NPEPPS: variants seen among roughly 807,000 people sequenced by gnomAD.
NPEPPS encodes the protein puromycin-sensitive aminopeptidase.
Under a neutral mutation model 115.5 loss-of-function variants are expected in NPEPPS, and 14 were observed. That is an observed-to-expected ratio of 0.12 (90% CI 0.08 to 0.19). The LOEUF (loss-of-function observed/expected upper bound fraction) is 0.19. NPEPPS is among the 10% of genes least tolerant of loss of function. The pLI, the probability that NPEPPS is intolerant of heterozygous loss-of-function variation, is 1.00. For missense variants in NPEPPS, 523 were observed against 1,110.8 expected (o/e 0.47, Z 7.52); for synonymous variants, 285 against 390.6 (o/e 0.73, Z 3.19).
rs1914603014 is a variant in NPEPPS, at chr17:47,621,982, G to A, written c.*62G>A. On this transcript the variant is annotated 3_prime_UTR_variant, in exon 23 of 23. Transcript: ENST00000322157. ...GCTGCAGGGATAAGGTGGAGCTACC[G>A]AACAGCTGATTCATATGCCAAGAAT... is the stretch of plus-strand genomic sequence containing the variant. The A allele has an allele frequency of 5.4e-6, 8 of 1,481,164 alleles. No individual in the cohort carries two copies. The highest frequency in any genetic ancestry group is 2.8e-5 in the African/African-American group (2 of 71,940). The allele number at this position is 1,481,164 out of a possible 1,614,324, so 91.8% of individuals were successfully genotyped here.
intron 2 of NPEPPS, among the ~76,000 whole-genome samples, chr17:47,556,716 C>T (rs1480864546): frequency 6.6e-6 from 1 of 152,128 alleles, no homozygotes; most frequent in African/African-American, 2.4e-5. Flanking sequence ...GGGCTGCCCC[C>T]CGCCTCCCTC....
intron 1 of NPEPPS, among the ~76,000 whole-genome samples, chr17:47,538,248 C>G (rs1032656416): frequency 2.0e-4 from 19 of 97,398 alleles, no homozygotes; most frequent in African/African-American, 6.6e-4. Context: ...CACTCTGTTG[C>G]CTAGGCCAGG....
intron 2 of NPEPPS, among the ~76,000 whole-genome samples, chr17:47,553,513 T>C (rs948059096): frequency 1.3e-5 from 2 of 152,198 alleles, no homozygotes; most frequent in African/African-American, 2.4e-5. Flanking sequence ...GTCTGTCATA[T>C]GGTAGTTACA....
At chr17:47,549,524 A>G (rs922351413) in intron 2 of NPEPPS, among the ~76,000 whole-genome samples, 4 of 152,104 alleles carry the variant, frequency 2.6e-5, no homozygotes, top group Admixed American at 2.6e-4. Flanking sequence ...TCACACCTGT[A>G]ATCCCAGCAT....
chr17:47,621,929 G>T lies in NPEPPS; in HGVS notation c.*9G>T. 1 of 1,606,194 alleles carries T rather than the reference G, an allele frequency of 6.2e-7. No individual in the cohort carries two copies. The highest frequency in any genetic ancestry group is 8.5e-7 in the Non-Finnish European group (1 of 1,175,480). Reference sequence around the variant, plus strand: ...CACCACCCACAGTGTGAATCCTGAGGTGCCGCCATTGGCGGTTCTGCTGCT... The same window carrying T: ...CACCACCCACAGTGTGAATCCTGAGTTGCCGCCATTGGCGGTTCTGCTGCT... On this transcript the variant is annotated 3_prime_UTR_variant, in exon 23 of 23. Coordinates refer to ENST00000322157, the MANE Select transcript of NPEPPS (RefSeq NM_006310.4).
chr17:47,556,711 G>GC (rs937308705), intron 2 of NPEPPS, among the ~76,000 whole-genome samples: 8 of 152,072 alleles, frequency 5.3e-5, no homozygotes, highest in Non-Finnish European at 7.4e-5. Context: ...GGTGGGGGCT[G>GC]CCCCCCGCCT....
intron 4 of NPEPPS, chr17:47,581,469 T>C (rs1597859574): frequency 2.6e-5 from 4 of 152,330 alleles, no homozygotes; most frequent in African/African-American, 9.6e-5. Flanking sequence ...GTCCTTTAGA[T>C]ATTTTCAAAC....
In NPEPPS at chr17:47,559,049, A is replaced by G. The variant is rs554542082; in HGVS notation, c.341-10368A>G. Among the ~76,000 whole-genome samples, 842 of 125,728 alleles carry G rather than the reference A, an allele frequency of 6.7e-3. 9 individuals carry two copies. Among genetic ancestry groups the G allele is most frequent in the African/African-American group, 0.025 (781 of 31,152 alleles). The allele number at this position is 125,728 out of a possible 152,430, so 82.5% of individuals were successfully genotyped here. On this transcript the variant is annotated intron_variant, in intron 2 of 22. Transcript: ENST00000322157. ...CGAGACTCCATCTCAAAAAAGAGGA[A>G]AAAAAAAAAAAAAAGATAGGGTCTT... is the stretch of plus-strand genomic sequence containing the variant.
intron 3 of NPEPPS, among the ~76,000 whole-genome samples, chr17:47,574,264 G>A (rs1264029814): frequency 6.6e-6 from 1 of 152,038 alleles, no homozygotes; most frequent in Non-Finnish European, 1.5e-5. Flanking sequence ...TAAGTGAAGT[G>A]AGGGGCAGAA....
intron 9 of NPEPPS, among the ~76,000 whole-genome samples, chr17:47,587,950 C>CT (rs1463375787): frequency 1.3e-5 from 2 of 151,250 alleles, no homozygotes; most frequent in East Asian, 1.9e-4. Context: ...CACTCTTACT[C>CT]TAAGTAAATA....
rs781079518 is a variant in NPEPPS at position 47,619,746 on chromosome 17, G to A, written c.2569G>A (p.Glu857Lys). 6.2e-7 allele frequency: 1 copy of A among 1,613,598 alleles called. No individual in the cohort carries two copies. The highest frequency in any genetic ancestry group is 8.5e-7 in the Non-Finnish European group (1 of 1,179,596). ...AACCATTGTTTTGCAGCTATCAGTT[G>A]AGGGATTTGCAGTTGATAAAATGGC... ...LISRLIKLSVEGFAVDKMAGE... is the reference protein window; with the variant it reads ...LISRLIKLSVKGFAVDKMAGE... The change falls in exon 22 of 23, where the codon GAG becomes AAG. Residue 857 changes from glutamate (E) to lysine (K), a missense_variant. Coordinates refer to ENST00000322157, the MANE Select transcript of NPEPPS (RefSeq NM_006310.4).
intron 1 of NPEPPS, among the ~76,000 whole-genome samples, chr17:47,534,595 T>A (rs1275046364): frequency 6.6e-6 from 1 of 151,490 alleles, no homozygotes; most frequent in Non-Finnish European, 1.5e-5. Context: ...GTTTCGCTCT[T>A]TCTCCCAGGC....
At chr17:47,532,081 C>T (rs1162774434) in intron 1 of NPEPPS, among the ~76,000 whole-genome samples, 1 of 152,042 alleles carries the variant, frequency 6.6e-6, no homozygotes, top group Non-Finnish European at 1.5e-5. Context: ...AGGGGAGCTT[C>T]TAGAAGGGGG....
rs553819883 is a variant in NPEPPS, at chr17:47,574,789, G to A, written c.419-4601G>A. On this transcript the variant is annotated intron_variant, in intron 3 of 22. Transcript: ENST00000322157. ...AATTTTTTTGTAGAGACAGGGTCTCGTTATGTTGCCTAGGCTGGTCTCAAA... is the reference window on the plus strand; with the variant it reads ...AATTTTTTTGTAGAGACAGGGTCTCATTATGTTGCCTAGGCTGGTCTCAAA... 6.6e-5 allele frequency among the ~76,000 whole-genome samples: 10 copies of A among 152,110 alleles called. No individual in the cohort carries two copies. The South Asian group carries it at 8.3e-4, about 13-fold the overall frequency.
chr17:47,532,260 G>C (rs1236228279), intron 1 of NPEPPS, among the ~76,000 whole-genome samples: 1 of 152,152 alleles, frequency 6.6e-6, no homozygotes, highest in Non-Finnish European at 1.5e-5. Flanking sequence ...GAAGCTGCGG[G>C]AGGACCCCAT....
At chr17:47,543,269 A>G (rs1439211453) in intron 1 of NPEPPS, among the ~76,000 whole-genome samples, 1 of 151,992 alleles carries the variant, frequency 6.6e-6, no homozygotes, top group Non-Finnish European at 1.5e-5. Flanking sequence ...TGTTATTAGT[A>G]ATCAGGGAAA....
rs1491300434 is a variant in NPEPPS, at chr17:47,562,605, A to AGT, written c.341-6811_341-6810insTG. The stretch of plus-strand genomic sequence containing the variant: ...TAATGTAGGAAGGCTTTTTTGATGC[A>AGT]GAGTGTGTGTGTGTGTGTGTGTGTG... On this transcript the variant is annotated intron_variant, in intron 2 of 22. Transcript: ENST00000322157. Among the ~76,000 whole-genome samples, 550 of 109,706 alleles carry AGT rather than the reference A, an allele frequency of 5.0e-3. 1 individual carries two copies. The highest frequency in any genetic ancestry group is 0.015 in the African/African-American group (506 of 34,694). The allele number at this position is 109,706 out of a possible 152,430, so 72.0% of individuals were successfully genotyped here.
At chr17:47,613,628 AG>A in intron 18 of NPEPPS, 40 bp from the exon 19 acceptor site, 5 of 1,473,528 alleles carry the variant, frequency 3.4e-6, no homozygotes, top group Non-Finnish European at 3.8e-6. Context: ...ACTTGAAACA[AG>A]GTACATTTAA....
At chr17:47,537,945 G>A (rs1470439665) in intron 1 of NPEPPS, among the ~76,000 whole-genome samples, 3 of 149,678 alleles carry the variant, frequency 2.0e-5, no homozygotes, top group Admixed American at 1.3e-4. Context: ...CCAGGCTGGA[G>A]TGCAGTGGCA....
Sources: allele counts gnomAD v4.1 joint callset (sites outside exome capture counted in the v4.1 genomes callset), GRCh38; gene constraint gnomAD v4.1.1; transcripts MANE v1.5; gene names NCBI Gene and HGNC (gene_info 2026-07-23, HGNC 2026-07-21).